ATR: variants seen among roughly 807,000 people sequenced by gnomAD.
ATR encodes the protein ATR checkpoint kinase.
Under a neutral mutation model 305.3 loss-of-function variants are expected in ATR, and 142 were observed. The observed-to-expected ratio is 0.47, with a 90% CI of 0.41 to 0.53. The LOEUF (loss-of-function observed/expected upper bound fraction) is 0.53. Among genes scored for constraint, ATR ranks in the 20% least tolerant of loss-of-function variants. The pLI is 0.00. For missense variants in ATR, 2,135 were observed against 3,133.1 expected, an observed-to-expected ratio of 0.68 and a Z score of 7.60; for synonymous variants, 1,050 against 1,068.1, an observed-to-expected ratio of 0.98 and a Z score of 0.33.
rs185682871 is a variant in ATR at position 142,578,579 on chromosome 3, G to A, written c.59+67C>T. 6.5e-6 allele frequency: 10 copies of A among 1,532,158 alleles called. No homozygotes were observed. In the Admixed American group the frequency reaches 1.1e-4, roughly 17 times the overall value. 94.9% of individuals were successfully genotyped at this position (1,532,158 alleles called of 1,614,324 possible). A position where few individuals can be genotyped will look rare whatever the true frequency, so the allele number is the denominator to read the frequency against. ...AGCCATAGCGCAGCAGGGGAGGGGA[G>A]AGCACGTGAAACCCAAGCCGGAATC... On this transcript the variant is annotated intron_variant, in intron 1 of 46. Transcript: ENST00000350721.
chr3:142,521,207 C>T (rs1341800822), intron 23 of ATR, among the ~76,000 whole-genome samples: 1 of 152,186 alleles, frequency 6.6e-6, no homozygotes, highest in Non-Finnish European at 1.5e-5. Flanking sequence ...TGAATGACAA[C>T]ACATCTGTTT....
At chr3:142,518,927 T>C (rs2033025800) in intron 24 of ATR, among the ~76,000 whole-genome samples, 1 of 152,202 alleles carries the variant, frequency 6.6e-6, no homozygotes, top group Admixed American at 6.5e-5. Flanking sequence ...ATACATTTTT[T>C]TAAAAGCAGA....
intron 1 of ATR, among the ~76,000 whole-genome samples, chr3:142,569,951 G>GT (rs990724064): frequency 6.6e-6 from 1 of 152,042 alleles, no homozygotes; most frequent in South Asian, 2.1e-4. Flanking sequence ...AGCCCCAACT[G>GT]TTTTTTTATT....
At chr3:142,485,373 T>C (rs2030849248) in intron 35 of ATR, 91 bp from the exon 36 acceptor site, 1 of 1,475,634 alleles carries the variant, frequency 6.8e-7, no homozygotes, top group South Asian at 1.2e-5. Flanking sequence ...ATCAAAAGTA[T>C]GTGACCTTTA....
intron 38 of ATR, 61 bp from the exon 39 acceptor site, chr3:142,468,129 A>C: frequency 1.3e-6 from 2 of 1,580,906 alleles, no homozygotes; most frequent in Admixed American, 1.8e-5. Context: ...TTAAAAGATA[A>C]ATTTTTTGCT....
intron 24 of ATR, 74 bp downstream of exon 24, chr3:142,519,595 C>G (rs1345816581): frequency 7.6e-7 from 1 of 1,322,092 alleles, no homozygotes; most frequent in Admixed American, 1.8e-5. Flanking sequence ...CCACTGCACC[C>G]GGCCAAAAAA....
At position 142,553,638 on chromosome 3, in the gene ATR, A is replaced by C. The variant is rs1577684999; in HGVS notation, c.2633+2T>G. The stretch of plus-strand genomic sequence containing the variant: ...GAAGAACACAAATGCTGCCAAGTAT[A>C]CCTTCCAATATCCCCTGTTGTAAGA... On this transcript the variant is annotated splice_donor_variant, in intron 12 of 46. Transcript: ENST00000350721. LOFTEE classifies it high-confidence loss of function. The C allele has an allele frequency of 6.3e-7, 1 of 1,598,758 alleles. No individual in the cohort carries two copies. The highest frequency in any genetic ancestry group is 8.6e-7 in the Non-Finnish European group (1 of 1,167,120).
At chr3:142,469,605 A>T (rs1445615028) in intron 37 of ATR, 36 bp from the exon 38 acceptor site, 1 of 1,549,472 alleles carries the variant, frequency 6.5e-7, no homozygotes, top group Admixed American at 1.7e-5. Flanking sequence ...ACAATAAAGG[A>T]AAGAGAAAAA....
rs558717722 is a variant in ATR, at chr3:142,458,803, T to C, written c.7503+155A>G. 4.6e-5 allele frequency among the ~76,000 whole-genome samples: 7 copies of C among 152,266 alleles called. No homozygotes were observed. The South Asian group carries it at 1.4e-3, about 32-fold the overall frequency. On this transcript the variant is annotated intron_variant, in intron 44 of 46. Transcript: ENST00000350721. ...TTCTCTCCATCCTAATACGCATTAC[T>C]ACATGATCCACTGATGAAAACTAGT...
Position 142,562,835 on chromosome 3 carries a change from T to C in ATR, c.567A>G (p.Leu189=), listed in dbSNP as rs370714432. The change falls in exon 4 of 47, where the codon TTA becomes TTG. Residue 189 remains leucine, a synonymous_variant. Coordinates refer to ENST00000350721, the MANE Select transcript of ATR (RefSeq NM_001184.4). ...TCATCAACTGCAAAGGAGCTGATTG[T>C]AAATATCCCATGTGTTCATCTAATT... is the stretch of plus-strand genomic sequence containing the variant. ...LSQLDEHMGY[L]QSAPLQLMSM... is the part of the protein sequence containing the mutation. The C allele has an allele frequency of 5.0e-6, 8 of 1,608,006 alleles. No individual in the cohort carries two copies. Among genetic ancestry groups the C allele is most frequent in the Non-Finnish European group, 6.8e-6 (8 of 1,177,818 alleles).
chr3:142,556,114 T>C lies in ATR; in HGVS notation c.2104A>G (p.Ile702Val), dbSNP rs1168756811. The stretch of plus-strand genomic sequence containing the variant: ...ATAGAAGCAAATTCTTTCTTGACAA[T>C]GTCAGAATCATCTTTGACTTTATCT... ...LIDKVKDDSDIVKKEFASILG... is the reference protein window; with the variant it reads ...LIDKVKDDSDVVKKEFASILG... Residue 702 changes from isoleucine (I) to valine (V), a missense_variant, in exon 10 of 47, where the codon ATT (isoleucine) becomes GTT (valine). Coordinates refer to ENST00000350721, the MANE Select transcript of ATR (RefSeq NM_001184.4). The C allele has an allele frequency of 1.9e-6, 3 of 1,613,070 alleles. No individual in the cohort carries two copies. The highest frequency in any genetic ancestry group is 2.5e-6 in the Non-Finnish European group (3 of 1,179,696).
rs2108450593 is a variant in ATR, at chr3:142,547,709, A to T, written c.3357+16T>A. On this transcript the variant is annotated intron_variant, in intron 16 of 46. Transcript: ENST00000350721. ...AGAAAAACAAACAAAAAAACCTCATAGAACATATTCCTTACCATCAGTTCA... is the reference window on the plus strand; with the variant it reads ...AGAAAAACAAACAAAAAAACCTCATTGAACATATTCCTTACCATCAGTTCA... 1 of 1,610,840 alleles carries T rather than the reference A, an allele frequency of 6.2e-7. No homozygotes were observed. Among genetic ancestry groups the T allele is most frequent in the Non-Finnish European group, 8.5e-7 (1 of 1,177,414 alleles).
At chr3:142,477,004 T>C (rs1165877326) in intron 36 of ATR, among the ~76,000 whole-genome samples, 1 of 152,172 alleles carries the variant, frequency 6.6e-6, no homozygotes, top group East Asian at 1.9e-4. Context: ...GCTGAGATGA[T>C]GGGGTTTTCT....
chr3:142,565,387 T>C (rs1223510083), intron 3 of ATR, among the ~76,000 whole-genome samples: 1 of 152,180 alleles, frequency 6.6e-6, no homozygotes, highest in African/African-American at 2.4e-5. Flanking sequence ...TTATTTTGCA[T>C]CTCTTTATGA....
intron 45 of ATR, among the ~76,000 whole-genome samples, 188 bp from the exon 46 acceptor site, chr3:142,453,421 A>G (rs1273404757): frequency 6.6e-6 from 1 of 152,178 alleles, no homozygotes; most frequent in Non-Finnish European, 1.5e-5. Flanking sequence ...GGAAGGCAGG[A>G]AAAAAGGCAA....
Position 142,550,790 on chromosome 3 carries a change from TA to T in ATR, c.2806-489del, listed in dbSNP as rs929546351. On this transcript the variant is annotated intron_variant, in intron 13 of 46. Coordinates refer to ENST00000350721, the MANE Select transcript of ATR (RefSeq NM_001184.4). Reference sequence around the variant, plus strand: ...AAACAAAATACATCGTTTTTGACAATAATTTTTTTTTTTTAAAGACAGAGTC... The same window carrying T: ...AAACAAAATACATCGTTTTTGACAATATTTTTTTTTTTTAAAGACAGAGTC... Among the ~76,000 whole-genome samples the T allele has an allele frequency of 1.0e-3, 157 of 152,022 alleles. 1 individual carries two copies. Among genetic ancestry groups the T allele is most frequent in the African/African-American group, 3.6e-3 (149 of 41,440 alleles).
At chr3:142,453,368 T>C in intron 45 of ATR, 135 bp from the exon 46 acceptor site, 1 of 1,197,852 alleles carries the variant, frequency 8.3e-7, no homozygotes, top group Non-Finnish European at 1.2e-6. Flanking sequence ...TTCATTAAGT[T>C]ATGTGAAATT....
intron 27 of ATR, among the ~76,000 whole-genome samples, chr3:142,511,068 A>C (rs2032529202): frequency 1.3e-5 from 2 of 152,180 alleles, no homozygotes; most frequent in African/African-American, 4.8e-5. Context: ...AAAATAAATA[A>C]ATAAAAATAG....
Position 142,450,326 on chromosome 3 carries a change from G to A in ATR, c.7762-724C>T, listed in dbSNP as rs869312486. On this transcript the variant is annotated intron_variant, in intron 46 of 46. Transcript: ENST00000350721. ...TTCTTTGGTGAAGCACTTGAGCCAT[G>A]TGCGTGAACCAAACCCAGTTCATTC... The A allele has an allele frequency of 2.0e-5, 23 of 1,127,576 alleles. No homozygotes were observed. The East Asian group carries it at 5.0e-4, about 24-fold the overall frequency. The allele number at this position is 1,127,576 out of a possible 1,614,324, so 69.8% of individuals were successfully genotyped here. A position where few individuals can be genotyped will look rare whatever the true frequency, so the allele number is the denominator to read the frequency against.
Sources: allele counts gnomAD v4.1 joint callset (sites outside exome capture counted in the v4.1 genomes callset), GRCh38; gene constraint gnomAD v4.1.1; transcripts MANE v1.5; gene names NCBI Gene and HGNC (gene_info 2026-07-23, HGNC 2026-07-21).